KCNT2: variants seen among roughly 807,000 people sequenced by gnomAD.
The protein encoded by KCNT2 is potassium sodium-activated channel subfamily T member 2, also known as potassium channel subfamily T member 2.
Under a neutral mutation model 153.8 loss-of-function variants are expected in KCNT2, and 67 were observed. That is an observed-to-expected ratio of 0.44 (90% CI 0.36 to 0.53). KCNT2 has a LOEUF of 0.53. Ranked by LOEUF, KCNT2 falls within the 20% of genes least tolerant of loss-of-function variation. The probability of loss-of-function intolerance (pLI) is 0.00; values close to 1 mark genes in which losing one functional copy is unlikely to be tolerated. For synonymous variants in KCNT2, 500 were observed against 458.8 expected, an observed-to-expected ratio of 1.09 and a Z score of -1.15; for missense variants, 975 against 1,354.8, an observed-to-expected ratio of 0.72 and a Z score of 4.40.
At chr1:196,579,564 G>T (rs902935912) in intron 1 of KCNT2, among the ~76,000 whole-genome samples, 3 of 151,866 alleles carry the variant, frequency 2.0e-5, no homozygotes, top group Non-Finnish European at 4.4e-5. Context: ...CACGATCTCG[G>T]CTCACTGCAA....
chr1:196,530,316 G>C (rs1011103205), intron 1 of KCNT2, among the ~76,000 whole-genome samples: 1 of 151,846 alleles, frequency 6.6e-6, no homozygotes, highest in African/African-American at 2.4e-5. Flanking sequence ...AATCATGAGA[G>C]ACCTGTTTTG....
chr1:196,593,311 T>TATATATATATATATATATATATATAC (rs1256165838), intron 1 of KCNT2, among the ~76,000 whole-genome samples: 2 of 140,204 alleles, frequency 1.4e-5, no homozygotes, highest in African/African-American at 5.6e-5. Context: ...TATATATATA[T>TATATATATATATATATATATATATAC]ACACACACAC....
rs541179635 is a variant in KCNT2, at chr1:196,258,813, T to C, written c.2911-319A>G. ...ATGATATTACTAGCATACAGTTGTT[T>C]GAAACATACAAAACCAGACATTTTA... On this transcript the variant is annotated intron_variant, in intron 25 of 27. Transcript: ENST00000294725. 4.2e-5 allele frequency: 11 copies of C among 258,988 alleles called. No homozygotes were observed. In the South Asian group the frequency reaches 5.0e-4, roughly 12 times the overall value. 16.0% of individuals were successfully genotyped at this position (258,988 alleles called of 1,614,324 possible).
intron 1 of KCNT2, among the ~76,000 whole-genome samples, chr1:196,501,847 G>A (rs1178358580): frequency 6.6e-6 from 1 of 152,196 alleles, no homozygotes; most frequent in Non-Finnish European, 1.5e-5. Context: ...GGCCGGGAGC[G>A]ATGGCTCATG....
chr1:196,250,143 C>A (rs748544568), intron 26 of KCNT2, among the ~76,000 whole-genome samples: 1 of 151,414 alleles, frequency 6.6e-6, no homozygotes, highest in Non-Finnish European at 1.5e-5. Context: ...GTATAGCTAC[C>A]CTGAGCAAAA....
At chr1:196,380,934 T>G (rs1456094134) in intron 13 of KCNT2, among the ~76,000 whole-genome samples, 1 of 152,178 alleles carries the variant, frequency 6.6e-6, no homozygotes, top group Non-Finnish European at 1.5e-5. Flanking sequence ...GTCAGAAACT[T>G]TGCCAATTCA....
At chr1:196,267,499 C>A (rs1657655661) in intron 25 of KCNT2, among the ~76,000 whole-genome samples, 1 of 152,114 alleles carries the variant, frequency 6.6e-6, no homozygotes, top group African/African-American at 2.4e-5. Flanking sequence ...TACTTGCAAA[C>A]TGGCCCACAC....
At position 196,386,674 on chromosome 1, in the gene KCNT2, T is replaced by C. The variant is rs1049418248; in HGVS notation, c.1294+11889A>G. On this transcript the variant is annotated intron_variant, in intron 13 of 27. Coordinates refer to ENST00000294725, the MANE Select transcript of KCNT2 (RefSeq NM_198503.5). ...ATCCTACTAATCATATTCATCTTGG[T>C]AATATTTACGAATAGCTACCACTTT... Among the ~76,000 whole-genome samples, 3 of 152,160 alleles carry C rather than the reference T, an allele frequency of 2.0e-5. No homozygotes were observed. In the East Asian group the frequency reaches 5.8e-4, roughly 29 times the overall value.
chr1:196,581,621 G>A (rs1045654826), intron 1 of KCNT2, among the ~76,000 whole-genome samples: 2 of 151,884 alleles, frequency 1.3e-5, no homozygotes, highest in African/African-American at 4.8e-5. Flanking sequence ...AGTATCCTAA[G>A]GAGATGGGGG....
intron 22 of KCNT2, among the ~76,000 whole-genome samples, chr1:196,287,045 A>C (rs1224482117): frequency 6.6e-6 from 1 of 152,054 alleles, no homozygotes; most frequent in East Asian, 1.9e-4. Context: ...CTCCCATCTC[A>C]CGTGTATCTA....
At chr1:196,231,486 A>C (rs1653950799) in intron 27 of KCNT2, among the ~76,000 whole-genome samples, 1 of 151,878 alleles carries the variant, frequency 6.6e-6, no homozygotes, top group Non-Finnish European at 1.5e-5. Flanking sequence ...ATTAAAGTAA[A>C]ATTTATGAAG....
At chr1:196,559,214 TTC>T (rs572696567) in intron 1 of KCNT2, among the ~76,000 whole-genome samples, 128 of 151,736 alleles carry the variant, frequency 8.4e-4, no homozygotes, top group African/African-American at 3.0e-3. Context: ...GGAATGCTCT[TTC>T]TCTTATTAAT....
chr1:196,343,295 T>C (rs1665841362), intron 14 of KCNT2, among the ~76,000 whole-genome samples: 1 of 152,220 alleles, frequency 6.6e-6, no homozygotes, highest in Middle Eastern at 3.2e-3. Flanking sequence ...CTCAGTGGCT[T>C]TAGAAATATA....
chr1:196,429,716 A>T lies in KCNT2; in HGVS notation c.680T>A (p.Leu227Gln). 1 of 1,611,360 alleles carries T rather than the reference A, an allele frequency of 6.2e-7. No homozygotes were observed. The highest frequency in any genetic ancestry group is 8.5e-7 in the Non-Finnish European group (1 of 1,178,870). The change falls in exon 9 of 28, where the codon CTG becomes CAG. Residue 227 changes from leucine (L) to glutamine (Q), a missense_variant. Around this residue, in one of 6 missense-constraint regions of KCNT2, gnomAD observed 202 missense variants for 314.9 expected, o/e 0.64. Coordinates refer to ENST00000294725, the MANE Select transcript of KCNT2 (RefSeq NM_198503.5). ...GAAATAAAGGGAGTCAAAGAGATTC[A>T]GCTTCTTTCCTATTCGTTCCAGATG... is the stretch of plus-strand genomic sequence containing the variant. ...IQHLERIGKK[L>Q]NLFDSLYFCI...
chr1:196,537,603 G>A (rs1210001615), intron 1 of KCNT2, among the ~76,000 whole-genome samples: 3 of 152,092 alleles, frequency 2.0e-5, no homozygotes, highest in Admixed American at 6.5e-5. Context: ...AACAGAAAAG[G>A]CTTTACACCC....
chr1:196,502,763 T>G (rs1680804468), intron 1 of KCNT2, among the ~76,000 whole-genome samples: 1 of 152,146 alleles, frequency 6.6e-6, no homozygotes. Flanking sequence ...ACTCACATCC[T>G]TATGTTCAAT....
intron 8 of KCNT2, among the ~76,000 whole-genome samples, chr1:196,452,859 C>T (rs1676343711): frequency 2.6e-5 from 4 of 151,730 alleles, no homozygotes; most frequent in African/African-American, 9.7e-5. Context: ...ATATTTATAC[C>T]TTCAACTGAT....
intron 25 of KCNT2, chr1:196,259,739 C>A (rs1277051201): frequency 6.6e-6 from 1 of 151,906 alleles, no homozygotes; most frequent in Non-Finnish European, 1.5e-5. Flanking sequence ...AAATACTAAT[C>A]CACATCTGTT....
chr1:196,431,628 G>T (rs1432221927), intron 8 of KCNT2, among the ~76,000 whole-genome samples: 1 of 152,072 alleles, frequency 6.6e-6, no homozygotes, highest in Non-Finnish European at 1.5e-5. Flanking sequence ...TTTGTGGAAG[G>T]CACAATTTAA....
Sources: allele counts gnomAD v4.1 joint callset (sites outside exome capture counted in the v4.1 genomes callset), GRCh38; gene constraint gnomAD v4.1.1; regional missense constraint gnomAD v4.1.1; transcripts MANE v1.5; gene names NCBI Gene and HGNC (gene_info 2026-07-23, HGNC 2026-07-21).